LIPC: variants seen among roughly 807,000 people sequenced by gnomAD.
The protein encoded by LIPC is hepatic triacylglycerol lipase.
In LIPC, 44 loss-of-function variants were observed where a neutral mutation model predicts 50.7. That is an observed-to-expected ratio of 0.87 (90% CI 0.68 to 1.11). The LOEUF is 1.11. Among genes scored for constraint, LIPC ranks in the 50% most tolerant of loss-of-function variants. The pLI is 0.00. For missense variants in LIPC, 697 were observed against 648.2 expected, an observed-to-expected ratio of 1.08 and a Z score of -0.82; for synonymous variants, 271 against 256.4, an observed-to-expected ratio of 1.06 and a Z score of -0.54.
In LIPC at chr15:58,461,732, T is replaced by A. The variant is rs79528753; in HGVS notation, c.88+29612T>A. Among the ~76,000 whole-genome samples the A allele has an allele frequency of 8.8e-3, 1,341 of 152,040 alleles. 15 individuals are homozygous for A. Among genetic ancestry groups the A allele is most frequent in the African/African-American group, 0.03 (1,263 of 41,440 alleles). On this transcript the variant is annotated intron_variant, in intron 1 of 8. Transcript: ENST00000299022. ...TGGGCCCCGCCACCTATGTTCTTAA[T>A]CCCCGTGCAACTCTGCCTCCTATCT...
At chr15:58,461,457 T>A (rs1392425522) in intron 1 of LIPC, among the ~76,000 whole-genome samples, 1 of 152,172 alleles carries the variant, frequency 6.6e-6, no homozygotes, top group Admixed American at 6.5e-5. Context: ...AAGGCTGGAG[T>A]GCAGTGGCTC....
intron 2 of LIPC, among the ~76,000 whole-genome samples, chr15:58,541,343 T>TG (rs1421446740): frequency 6.6e-6 from 1 of 151,832 alleles, no homozygotes. Context: ...AGGGGTGAGG[T>TG]GGGGCAGCTG....
At chr15:58,547,344 C>T (rs1893567915) in intron 5 of LIPC, among the ~76,000 whole-genome samples, 1 of 152,150 alleles carries the variant, frequency 6.6e-6, no homozygotes, top group East Asian at 1.9e-4. Context: ...TCAGTTTTCT[C>T]GTCGAAAACA....
intron 1 of LIPC, among the ~76,000 whole-genome samples, chr15:58,447,008 T>C (rs796423956): frequency 5.1e-4 from 77 of 151,528 alleles, no homozygotes; most frequent in African/African-American, 1.9e-3. Flanking sequence ...GTTAGCCAGG[T>C]GTGGTGGTAC....
intron 6 of LIPC, among the ~76,000 whole-genome samples, chr15:58,554,044 T>C (rs1299374986): frequency 6.6e-6 from 1 of 151,882 alleles, no homozygotes; most frequent in Non-Finnish European, 1.5e-5. Context: ...AGTCATAATA[T>C]CTCCCAGAGC....
intron 1 of LIPC, among the ~76,000 whole-genome samples, chr15:58,529,975 C>G (rs1566940066): frequency 6.6e-6 from 1 of 152,226 alleles, no homozygotes; most frequent in Non-Finnish European, 1.5e-5. Context: ...TGAATGTTGA[C>G]TTGGTTTGCT....
At chr15:58,537,301 G>A (rs1041779867) in intron 1 of LIPC, among the ~76,000 whole-genome samples, 1 of 152,168 alleles carries the variant, frequency 6.6e-6, no homozygotes, top group African/African-American at 2.4e-5. Context: ...GAGTTGGATG[G>A]CCACTCACCC....
intron 6 of LIPC, among the ~76,000 whole-genome samples, chr15:58,556,095 C>A (rs370901722): frequency 6.6e-6 from 1 of 152,132 alleles, no homozygotes; most frequent in African/African-American, 2.4e-5. Context: ...CATTATTTAG[C>A]CTGTTATGAG....
rs1894484180 is a variant in LIPC, at chr15:58,569,470, A to C, written c.*643A>C. ...TACAAATTAAATAAACATAATTATT[A>C]TATCTTACTAATGCTTGCAACAAAA... On this transcript the variant is annotated 3_prime_UTR_variant, in exon 9 of 9. Coordinates refer to ENST00000299022, the MANE Select transcript of LIPC (RefSeq NM_000236.3). The C allele has an allele frequency of 6.6e-6, 1 of 152,246 alleles. No homozygotes were observed. Among genetic ancestry groups the C allele is most frequent in the South Asian group, 2.1e-4 (1 of 4,832 alleles). The allele number at this position is 152,246 out of a possible 1,614,324, so 9.4% of individuals were successfully genotyped here.
At position 58,466,198 on chromosome 15, in the gene LIPC, A is replaced by G. The variant is rs1894556615; in HGVS notation, c.88+34078A>G. ...TCTCAATGATTTGACTTTTACAGCA[A>G]TGCGATGGGACGTGCTGAGGGACCA... On this transcript the variant is annotated intron_variant, in intron 1 of 8. Coordinates refer to ENST00000299022, the MANE Select transcript of LIPC (RefSeq NM_000236.3). Among the ~76,000 whole-genome samples, 3 of 152,210 alleles carry G rather than the reference A, an allele frequency of 2.0e-5. No individual in the cohort carries two copies. The South Asian group carries it at 6.2e-4, about 32-fold the overall frequency.
In LIPC at chr15:58,568,849, A is replaced by G; in HGVS notation, c.*22A>G. The G allele has an allele frequency of 7.1e-7, 1 of 1,417,742 alleles. No homozygotes were observed. Among genetic ancestry groups the G allele is most frequent in the Non-Finnish European group, 9.9e-7 (1 of 1,011,864 alleles). The allele number at this position is 1,417,742 out of a possible 1,614,324, so 87.8% of individuals were successfully genotyped here. A position where few individuals can be genotyped will look rare whatever the true frequency, so the allele number is the denominator to read the frequency against. On this transcript the variant is annotated 3_prime_UTR_variant, in exon 9 of 9. Coordinates refer to ENST00000299022, the MANE Select transcript of LIPC (RefSeq NM_000236.3). Reference sequence around the variant, plus strand: ...ATGAGATTTAATGAAGACCCAGTGTAAAGAATAAATGAATCTTACTCCTTA... The same window carrying G: ...ATGAGATTTAATGAAGACCCAGTGTGAAGAATAAATGAATCTTACTCCTTA...
At chr15:58,447,884 G>A (rs1893756698) in intron 1 of LIPC, among the ~76,000 whole-genome samples, 1 of 152,202 alleles carries the variant, frequency 6.6e-6, no homozygotes, top group African/African-American at 2.4e-5. Context: ...ATATAAGGCA[G>A]TGTTCTAGCA....
intron 1 of LIPC, among the ~76,000 whole-genome samples, chr15:58,512,458 C>G (rs1282694559): frequency 6.6e-6 from 1 of 152,108 alleles, no homozygotes; most frequent in Non-Finnish European, 1.5e-5. Context: ...AGAAAGTCCA[C>G]GCAAATCAGT....
chr15:58,518,531 C>T (rs1892552874), intron 1 of LIPC, among the ~76,000 whole-genome samples: 1 of 152,196 alleles, frequency 6.6e-6, no homozygotes, highest in South Asian at 2.1e-4. Context: ...GTTCTCGCTC[C>T]ACTCCTTCAG....
At chr15:58,487,493 A>T (rs1189863662) in intron 1 of LIPC, among the ~76,000 whole-genome samples, 2 of 152,224 alleles carry the variant, frequency 1.3e-5, no homozygotes, top group Admixed American at 1.3e-4. Flanking sequence ...CAGGTTGCTG[A>T]AGCAATAGAC....
At chr15:58,496,885 A>G (rs1412976434) in intron 1 of LIPC, among the ~76,000 whole-genome samples, 1 of 152,074 alleles carries the variant, frequency 6.6e-6, no homozygotes, top group Non-Finnish European at 1.5e-5. Context: ...GGGTTTCACT[A>G]TGTTGGCCAG....
chr15:58,514,335 CAGTACCAGT>C (rs1385859611), intron 1 of LIPC, among the ~76,000 whole-genome samples: 11 of 152,312 alleles, frequency 7.2e-5, no homozygotes, highest in Admixed American at 6.5e-4. Context: ...AAAGCATTAG[CAGTACCAGT>C]AGTACCAGTA....
chr15:58,489,502 G>A (rs183933974), intron 1 of LIPC, among the ~76,000 whole-genome samples: 2 of 152,234 alleles, frequency 1.3e-5, no homozygotes, highest in Admixed American at 6.5e-5. Flanking sequence ...GAAATCATAG[G>A]GTTATGGAAA....
At chr15:58,530,630 T>C (rs1274084606) in intron 1 of LIPC, among the ~76,000 whole-genome samples, 2 of 152,272 alleles carry the variant, frequency 1.3e-5, no homozygotes, top group Admixed American at 1.3e-4. Flanking sequence ...TTTCCATCTC[T>C]CTTTAGAGAT....
Sources: gnomAD v4.1 joint callset for allele counts (sites outside exome capture counted in the v4.1 genomes callset) on GRCh38, gnomAD v4.1.1 for gene constraint, MANE v1.5 for transcripts, NCBI Gene and HGNC (gene_info 2026-07-23, HGNC 2026-07-21) for gene names.